Variants in NAV3 observed in about 807,000 individuals in gnomAD.
The protein encoded by NAV3 is neuron navigator 3, also known as pore membrane and/or filament interacting like protein 1.
In NAV3, 87 loss-of-function variants were observed where a neutral mutation model predicts 244.7. That is an observed-to-expected ratio of 0.36 (90% confidence interval 0.30 to 0.42). NAV3 has a LOEUF of 0.42. Ranked by LOEUF, NAV3 falls within the 20% of genes least tolerant of loss-of-function variation. The pLI, the probability that NAV3 is intolerant of heterozygous loss-of-function variation, is 1.00. For synonymous variants in NAV3, 1,126 were observed against 1,042.2 expected, an observed-to-expected ratio of 1.08 and a Z score of -1.55; for missense variants, 2,663 against 2,893.3, an observed-to-expected ratio of 0.92 and a Z score of 1.83.
intron 28 of NAV3, among the ~76,000 whole-genome samples, chr12:78,178,361 A>T (rs113190252): frequency 2.1e-4 from 32 of 151,888 alleles, no homozygotes; most frequent in African/African-American, 7.2e-4. Context: ...GGGTTTCACC[A>T]TGTTGGCCAG....
At chr12:77,686,165 T>C (rs1874733643) in intron 2 of NAV3, among the ~76,000 whole-genome samples, 1 of 152,190 alleles carries the variant, frequency 6.6e-6, no homozygotes, top group African/African-American at 2.4e-5. Context: ...CAATCTCAGT[T>C]CACTGCAACC....
intron 3 of NAV3, among the ~76,000 whole-genome samples, chr12:77,964,664 C>T (rs142307907): frequency 1.7e-3 from 253 of 152,152 alleles, no homozygotes; most frequent in African/African-American, 5.5e-3. Context: ...TCAGCACTGT[C>T]GCCTCATTGG....
At chr12:78,089,176 CA>C (rs767021483) in intron 12 of NAV3, among the ~76,000 whole-genome samples, 4 of 151,516 alleles carry the variant, frequency 2.6e-5, no homozygotes, top group South Asian at 4.2e-4. Context: ...CCCCTTTTCC[CA>C]AAAAAAAGTC....
intron 2 of NAV3, among the ~76,000 whole-genome samples, chr12:77,647,212 A>G (rs912294998): frequency 6.6e-6 from 1 of 152,196 alleles, no homozygotes; most frequent in Non-Finnish European, 1.5e-5. Context: ...ATATTTATGC[A>G]ATGAAAATAG....
At chr12:77,727,979 C>T (rs1190937835) in intron 2 of NAV3, among the ~76,000 whole-genome samples, 1 of 151,766 alleles carries the variant, frequency 6.6e-6, no homozygotes, top group Non-Finnish European at 1.5e-5. Context: ...CCAAATTGGC[C>T]TCATCAGTAT....
intron 1 of NAV3, among the ~76,000 whole-genome samples, chr12:77,866,054 C>G (rs996584413): frequency 2.0e-5 from 3 of 152,004 alleles, no homozygotes; most frequent in Non-Finnish European, 4.4e-5. Context: ...ACCAAATATA[C>G]TTTGCAAAGA....
intron 22 of NAV3, among the ~76,000 whole-genome samples, chr12:78,158,337 G>T (rs888390699): frequency 6.6e-6 from 1 of 152,096 alleles, no homozygotes; most frequent in African/African-American, 2.4e-5. Context: ...ACCTCAGGCC[G>T]TGGTGAGAGA....
intron 2 of NAV3, among the ~76,000 whole-genome samples, chr12:77,781,296 C>T (rs1369395878): frequency 2.0e-5 from 3 of 152,258 alleles, no homozygotes; most frequent in South Asian, 2.1e-4. Flanking sequence ...TTTTACCCTC[C>T]TCCCTTTTGG....
chr12:78,130,891 T>G (rs1269409991), intron 18 of NAV3: 1 of 189,706 alleles, frequency 5.3e-6, no homozygotes, highest in Non-Finnish European at 1.1e-5. Context: ...TTTCCAGGGC[T>G]TGGACAAAAA....
At chr12:77,767,480 A>G (rs1221613523) in intron 2 of NAV3, among the ~76,000 whole-genome samples, 1 of 152,164 alleles carries the variant, frequency 6.6e-6, no homozygotes, top group Non-Finnish European at 1.5e-5. Context: ...CCCAGATCCC[A>G]TGCCTCTGAA....
intron 3 of NAV3, among the ~76,000 whole-genome samples, chr12:77,952,213 C>T (rs1415841235): frequency 6.6e-6 from 1 of 152,044 alleles, no homozygotes; most frequent in South Asian, 2.1e-4. Context: ...CTTTACAGGG[C>T]AGAAGTTTTT....
chr12:77,709,979 T>G (rs1263937437), intron 2 of NAV3, among the ~76,000 whole-genome samples: 1 of 152,286 alleles, frequency 6.6e-6, no homozygotes, highest in Non-Finnish European at 1.5e-5. Context: ...AATCATAAAC[T>G]CTTCTAAAGT....
rs1354809917 is a variant in NAV3 at position 77,744,597 on chromosome 12, T to C, written c.72+172331T>C. On this transcript the variant is annotated intron_variant, in intron 2 of 8. Transcript: ENST00000550042. ...GTAGAGGGGTAAACTAGAAAACTCATGTTTTACAAACTTCTTTCAAGGAAA... is the reference window on the plus strand; with the variant it reads ...GTAGAGGGGTAAACTAGAAAACTCACGTTTTACAAACTTCTTTCAAGGAAA... Among the ~76,000 whole-genome samples, 4 of 152,074 alleles carry C rather than the reference T, an allele frequency of 2.6e-5. No individual in the cohort carries two copies. In the South Asian group the frequency reaches 6.2e-4, roughly 24 times the overall value.
At position 77,622,560 on chromosome 12, in the gene NAV3, T is replaced by A. The variant is rs796509065; in HGVS notation, c.72+50294T>A. On this transcript the variant is annotated intron_variant, in intron 2 of 8. Transcript: ENST00000550042. ...TTTTTTTTTTTTTTTTTTTTTTTTTTACTGGAAGTTGAAAGAGAATGATTA... is the reference window on the plus strand; with the variant it reads ...TTTTTTTTTTTTTTTTTTTTTTTTTAACTGGAAGTTGAAAGAGAATGATTA... Among the ~76,000 whole-genome samples the A allele has an allele frequency of 4.7e-3, 670 of 142,466 alleles. 5 individuals carry two copies. Among genetic ancestry groups the A allele is most frequent in the South Asian group, 0.014 (63 of 4,510 alleles). 93.5% of individuals were successfully genotyped at this position (142,466 alleles called of 152,430 possible). A position where few individuals can be genotyped will look rare whatever the true frequency, so the allele number is the denominator to read the frequency against.
chr12:77,702,522 G>A (rs532621144), intron 2 of NAV3, among the ~76,000 whole-genome samples: 12 of 151,724 alleles, frequency 7.9e-5, no homozygotes, highest in South Asian at 4.2e-4. Context: ...TTTTTTGTGC[G>A]TCTTTTCTTT....
At chr12:77,762,736 T>TTGA (rs1423434576) in intron 2 of NAV3, among the ~76,000 whole-genome samples, 2 of 149,614 alleles carry the variant, frequency 1.3e-5, no homozygotes, top group African/African-American at 5.0e-5. Context: ...GTTGTTGTTG[T>TTGA]TGTTGTTGTT....
intron 2 of NAV3, among the ~76,000 whole-genome samples, chr12:77,648,397 A>C (rs146134572): frequency 1.0e-3 from 157 of 152,264 alleles, no homozygotes; most frequent in African/African-American, 3.6e-3. Context: ...TTTTATGTCA[A>C]AAATATCAAA....
chr12:77,683,761 G>C (rs1001342720), intron 2 of NAV3, among the ~76,000 whole-genome samples: 1 of 152,016 alleles, frequency 6.6e-6, no homozygotes, highest in Non-Finnish European at 1.5e-5. Context: ...TTTGTTTACT[G>C]TGCATCAGAA....
At chr12:78,176,606 T>C in intron 26 of NAV3, 147 bp downstream of exon 26, 1 of 798,700 alleles carries the variant, frequency 1.3e-6, no homozygotes, top group Non-Finnish European at 1.9e-6. Flanking sequence ...CATTTTAATC[T>C]CAAATTTTAA....
Sources: allele counts gnomAD v4.1 joint callset (sites outside exome capture counted in the v4.1 genomes callset), GRCh38; gene constraint gnomAD v4.1.1; transcripts MANE v1.5; gene names NCBI Gene and HGNC (gene_info 2026-07-23, HGNC 2026-07-21).